Variants in TOP1 observed in about 807,000 individuals in gnomAD.
The protein encoded by TOP1 is DNA topoisomerase I, also known as DNA topoisomerase 1.
A neutral mutation model predicts 111.1 loss-of-function variants in TOP1; 10 were observed. That is an observed-to-expected ratio of 0.09 (90% confidence interval 0.06 to 0.15). The LOEUF is 0.15. TOP1 is among the 10% of genes least tolerant of loss of function. The pLI is 1.00. For synonymous variants in TOP1, 271 were observed against 302.9 expected (o/e 0.89, Z 1.10); for missense variants, 474 against 926.7 (o/e 0.51, Z 6.34).
chr20:41,064,815 A>G (rs541942911), intron 3 of TOP1, among the ~76,000 whole-genome samples: 4 of 151,252 alleles, frequency 2.6e-5, no homozygotes, highest in East Asian at 1.9e-4. Flanking sequence ...ACTTTTCCCT[A>G]TGGCCTCCTG....
chr20:41,118,566 C>T lies in TOP1; in HGVS notation c.1950+270C>T, dbSNP rs575557608. 1.8e-3 allele frequency among the ~76,000 whole-genome samples: 274 copies of T among 152,308 alleles called. No homozygotes were observed. Among genetic ancestry groups the T allele is most frequent in the African/African-American group, 6.4e-3 (267 of 41,574 alleles). On this transcript the variant is annotated intron_variant, in intron 18 of 20. Coordinates refer to ENST00000361337, the MANE Select transcript of TOP1 (RefSeq NM_003286.4). This position sits in a 1 kb window ranked among gnomAD's most constrained non-coding sequence, Gnocchi z 4.6. ...TGAAAAACTAACTTTGGTGTACATTCTAATTGCTAATTACTGTCCTTATTG... is the reference window on the plus strand; with the variant it reads ...TGAAAAACTAACTTTGGTGTACATTTTAATTGCTAATTACTGTCCTTATTG...
In TOP1 at chr20:41,101,140, T is replaced by C. The variant is rs907291339; in HGVS notation, c.1164-69T>C. On this transcript the variant is annotated intron_variant, in intron 12 of 20. Coordinates refer to ENST00000361337, the MANE Select transcript of TOP1 (RefSeq NM_003286.4). This position sits in a 1 kb window ranked among gnomAD's most constrained non-coding sequence, Gnocchi z 4.1. Reference sequence around the variant, plus strand: ...AATTATGCTCAGCAGATAGGTCCACTTGGGGTCATGAAAGGTGAAATTATT... The same window carrying C: ...AATTATGCTCAGCAGATAGGTCCACCTGGGGTCATGAAAGGTGAAATTATT... 1.3e-6 allele frequency: 2 copies of C among 1,560,224 alleles called. No individual in the cohort carries two copies. The highest frequency in any genetic ancestry group is 1.4e-5 in the African/African-American group (1 of 73,838).
At position 41,097,217 on chromosome 20, in the gene TOP1, T is replaced by C; in HGVS notation, c.731-3T>C. ...CACTTTTTGGAACCACTTTTTTCTC[T>C]AGGTAAAGTCATGAAGCTGAGCCCC... On this transcript the variant is annotated splice_polypyrimidine_tract_variant and splice_region_variant and intron_variant, in intron 9 of 20. Transcript: ENST00000361337. This position sits in a 1 kb window ranked among gnomAD's most constrained non-coding sequence, Gnocchi z 4.2. 2 of 1,612,672 alleles carry C rather than the reference T, an allele frequency of 1.2e-6. No individual in the cohort carries two copies. The highest frequency in any genetic ancestry group is 1.7e-6 in the Non-Finnish European group (2 of 1,179,672).
intron 2 of TOP1, among the ~76,000 whole-genome samples, chr20:41,053,490 C>T (rs2033431203): frequency 6.6e-6 from 1 of 152,126 alleles, no homozygotes. Flanking sequence ...ATAAATTAAG[C>T]AATCTTACTG....
At chr20:41,107,564 ATT>A (rs1194694832) in intron 13 of TOP1, among the ~76,000 whole-genome samples, 5 of 151,982 alleles carry the variant, frequency 3.3e-5, no homozygotes, top group Non-Finnish European at 4.4e-5. Flanking sequence ...TTTATATCTG[ATT>A]TTGTTTCATT....
intron 2 of TOP1, among the ~76,000 whole-genome samples, chr20:41,056,983 G>A (rs777218314): frequency 9.2e-5 from 14 of 152,114 alleles, no homozygotes; most frequent in Non-Finnish European, 1.3e-4. Flanking sequence ...AAATGTGGCC[G>A]GGCGCAGTGG....
intron 3 of TOP1, among the ~76,000 whole-genome samples, chr20:41,068,046 T>A (rs2033628146): frequency 6.6e-6 from 1 of 152,136 alleles, no homozygotes; most frequent in African/African-American, 2.4e-5. Flanking sequence ...ACTACATTAT[T>A]CCTTCCAGTG....
At chr20:41,091,668 T>C (rs763585516) in intron 8 of TOP1, among the ~76,000 whole-genome samples, 13 of 150,310 alleles carry the variant, frequency 8.6e-5, no homozygotes, top group South Asian at 4.2e-4. Context: ...GCAATTCTCG[T>C]GCCTCAGCCT....
At position 41,032,786 on chromosome 20, in the gene TOP1, G is replaced by C. The variant is rs1246657872; in HGVS notation, c.58+3331G>C. Among the ~76,000 whole-genome samples, 2 of 152,210 alleles carry C rather than the reference G, an allele frequency of 1.3e-5. No homozygotes were observed. Among genetic ancestry groups the C allele is most frequent in the Non-Finnish European group, 2.9e-5 (2 of 68,040 alleles). On this transcript the variant is annotated intron_variant, in intron 2 of 20. Coordinates refer to ENST00000361337, the MANE Select transcript of TOP1 (RefSeq NM_003286.4). The surrounding 1 kb of genome is among the most constrained non-coding windows in gnomAD (Gnocchi z 4.3). ...GATGCTAATAGATAGTTGTACTTCT[G>C]TCTGTTGGGTATGGGTTGGGATGGG...
intron 2 of TOP1, among the ~76,000 whole-genome samples, chr20:41,057,785 T>A (rs1026611162): frequency 1.3e-5 from 2 of 152,212 alleles, no homozygotes; most frequent in Admixed American, 1.3e-4. Context: ...TATTAGCAGA[T>A]CTTGATGTTC....
rs189725140 is a variant in TOP1, at chr20:41,082,727, T to G, written c.507+1487T>G. 2.5e-4 allele frequency among the ~76,000 whole-genome samples: 38 copies of G among 152,328 alleles called. 3 individuals are homozygous for G. Among genetic ancestry groups the G allele is most frequent in the African/African-American group, 8.4e-4 (35 of 41,574 alleles). ...AATTAATAAGCACTAATTCAAGGAA[T>G]TGAGAGTGAAATGTTAAGTAGTGAT... is the stretch of plus-strand genomic sequence containing the variant. On this transcript the variant is annotated intron_variant, in intron 7 of 20. Transcript: ENST00000361337. This position sits in a 1 kb window ranked among gnomAD's most constrained non-coding sequence, Gnocchi z 4.1.
At chr20:41,085,152 G>A (rs971403971) in intron 8 of TOP1, among the ~76,000 whole-genome samples, 19 of 149,768 alleles carry the variant, frequency 1.3e-4, no homozygotes, top group South Asian at 4.2e-4. Flanking sequence ...ATGAAAAAAA[G>A]CTCTTTTAAA....
chr20:41,123,550 T>C lies in TOP1; in HGVS notation c.*253T>C. 1 of 381,204 alleles carries C rather than the reference T, an allele frequency of 2.6e-6. No homozygotes were observed. Among genetic ancestry groups the C allele is most frequent in the Non-Finnish European group, 4.7e-6 (1 of 212,286 alleles). 23.6% of individuals were successfully genotyped at this position (381,204 alleles called of 1,614,324 possible). ...GATTTGTTTTGAATTTTGTTTTTAT[T>C]TTCAAGAGGGCAAGTGGATGGGAAT... On this transcript the variant is annotated 3_prime_UTR_variant, in exon 21 of 21. Coordinates refer to ENST00000361337, the MANE Select transcript of TOP1 (RefSeq NM_003286.4). This position sits in a 1 kb window ranked among gnomAD's most constrained non-coding sequence, Gnocchi z 5.8.
At chr20:41,060,921 C>A in intron 2 of TOP1, among the ~76,000 whole-genome samples, 1 of 152,056 alleles carries the variant, frequency 6.6e-6, no homozygotes, top group East Asian at 1.9e-4. Context: ...ATGGTTGAAT[C>A]TATGGTGCTG....
rs2033994189 is a variant in TOP1 at position 41,097,232 on chromosome 20, A to C, written c.743A>C (p.Lys248Thr). 6.2e-7 allele frequency: 1 copy of C among 1,614,030 alleles called. No individual in the cohort carries two copies. Among genetic ancestry groups the C allele is most frequent in the Non-Finnish European group, 8.5e-7 (1 of 1,180,000 alleles). ...CTTTTTTCTCTAGGTAAAGTCATGAAGCTGAGCCCCAAAGCAGAGGAAGTA... is the reference window on the plus strand; with the variant it reads ...CTTTTTTCTCTAGGTAAAGTCATGACGCTGAGCCCCAAAGCAGAGGAAGTA... ...VKFYYDGKVM[K>T]LSPKAEEVAT... The change falls in exon 10 of 21, where the codon AAG becomes ACG. Residue 248 changes from lysine to threonine, a missense_variant. Transcript: ENST00000361337. This position sits in a 1 kb window ranked among gnomAD's most constrained non-coding sequence, Gnocchi z 4.2.
chr20:41,051,237 G>A (rs2033401808), intron 2 of TOP1, among the ~76,000 whole-genome samples: 4 of 152,104 alleles, frequency 2.6e-5, no homozygotes, highest in Admixed American at 1.3e-4. Context: ...TTTGAAGGAG[G>A]AGCCCATCAT....
At chr20:41,075,998 A>G (rs1165893866) in intron 3 of TOP1, among the ~76,000 whole-genome samples, 173 bp from the exon 4 acceptor site, 1 of 152,234 alleles carries the variant, frequency 6.6e-6, no homozygotes, top group South Asian at 2.1e-4. Context: ...AAATAAAAAC[A>G]TCAAACAAGA....
chr20:41,053,601 G>A (rs112104589), intron 2 of TOP1, among the ~76,000 whole-genome samples: 8 of 152,202 alleles, frequency 5.3e-5, no homozygotes, highest in African/African-American at 1.7e-4. Context: ...TGCTTCATTT[G>A]GAAAATGTCT....
intron 2 of TOP1, among the ~76,000 whole-genome samples, chr20:41,052,714 G>A (rs918632750): frequency 3.0e-4 from 46 of 152,190 alleles, no homozygotes; most frequent in African/African-American, 1.1e-3. Flanking sequence ...AAAAGGACCA[G>A]GCATGGTGGC....
Sources: allele counts gnomAD v4.1 joint callset (sites outside exome capture counted in the v4.1 genomes callset), GRCh38; gene constraint gnomAD v4.1.1; non-coding constraint Gnocchi (gnomAD v3.1); transcripts MANE v1.5; gene names NCBI Gene and HGNC (gene_info 2026-07-23, HGNC 2026-07-21).